Variants in ZNF664 observed in about 807,000 individuals in gnomAD.
The protein encoded by ZNF664 is zinc finger protein 664, also known as zinc finger Organ of Corti 1.
In ZNF664, 10 loss-of-function variants were observed where a neutral mutation model predicts 18.2. The ratio of observed to expected loss-of-function variants is 0.55; its 90% CI spans 0.34 to 0.93. ZNF664 has a LOEUF of 0.93. Among genes scored for constraint, ZNF664 ranks in the 40% least tolerant of loss-of-function variants. The pLI is 0.02. For synonymous variants in ZNF664, 119 were observed against 104.2 expected, an observed-to-expected ratio of 1.14 and a Z score of -0.86; for missense variants, 193 against 319.0, an observed-to-expected ratio of 0.61 and a Z score of 3.01.
chr12:124,012,079 C>G lies in ZNF664; in HGVS notation c.-66C>G. 2 of 1,525,980 alleles carry G rather than the reference C, an allele frequency of 1.3e-6. No homozygotes were observed. Among genetic ancestry groups the G allele is most frequent in the Non-Finnish European group, 1.7e-6 (2 of 1,145,614 alleles). The allele number at this position is 1,525,980 out of a possible 1,614,324, so 94.5% of individuals were successfully genotyped here. On this transcript the variant is annotated 5_prime_UTR_variant, in exon 5 of 5. Transcript: ENST00000337815. ...CCAAATAAGAGACTCTATGAAATAA[C>G]AGTCTTGTAACTGTAGTAATCATAA...
intron 3 of ZNF664, among the ~76,000 whole-genome samples, chr12:124,010,629 A>G (rs1332803022): frequency 2.0e-5 from 3 of 152,186 alleles, no homozygotes; most frequent in Non-Finnish European, 4.4e-5. Flanking sequence ...TTTTCAGAAA[A>G]TATTCATTGA....
rs912928290 is a variant in ZNF664 at position 124,013,343 on chromosome 12, A to G, written c.*413A>G. 10 of 198,482 alleles carry G rather than the reference A, an allele frequency of 5.0e-5. No individual in the cohort carries two copies. Among genetic ancestry groups the G allele is most frequent in the Non-Finnish European group, 9.2e-5 (8 of 87,144 alleles). The allele number at this position is 198,482 out of a possible 1,614,324, so 12.3% of individuals were successfully genotyped here. On this transcript the variant is annotated 3_prime_UTR_variant, in exon 5 of 5. Transcript: ENST00000337815. Reference sequence around the variant, plus strand: ...TTCCTCTTTATTCGAGCATACTGGCAATGCATTGGAAAACAGACAGCTCCC... The same window carrying G: ...TTCCTCTTTATTCGAGCATACTGGCGATGCATTGGAAAACAGACAGCTCCC...
At chr12:123,974,887 T>A (rs1268680408) in intron 2 of ZNF664, among the ~76,000 whole-genome samples, 1 of 152,244 alleles carries the variant, frequency 6.6e-6, no homozygotes, top group Non-Finnish European at 1.5e-5. Flanking sequence ...AACAGCTTTT[T>A]TGCTGGTGGT....
At chr12:123,994,481 G>A (rs1298196739) in intron 3 of ZNF664, among the ~76,000 whole-genome samples, 4 of 152,182 alleles carry the variant, frequency 2.6e-5, no homozygotes, top group Non-Finnish European at 4.4e-5. Context: ...TTAGTAGGAA[G>A]AGTGGCAATA....
At chr12:123,996,808 C>T (rs1047118931) in intron 3 of ZNF664, among the ~76,000 whole-genome samples, 1 of 152,174 alleles carries the variant, frequency 6.6e-6, no homozygotes, top group Admixed American at 6.5e-5. Flanking sequence ...CAGGACAAAG[C>T]CCACTTGTGT....
rs934680505 is a variant in ZNF664 at position 124,011,584 on chromosome 12, A to C, written c.-561A>C. On this transcript the variant is annotated 5_prime_UTR_variant, in exon 5 of 5. Transcript: ENST00000337815. ...ACCCATGTAGGGAATTCCCCAAAGC[A>C]GGGCTTGCCATACCTGGACCCCGAG... 5.2e-5 allele frequency: 51 copies of C among 988,632 alleles called. No individual in the cohort carries two copies. The highest frequency in any genetic ancestry group is 5.9e-5 in the Non-Finnish European group (49 of 832,580). The allele number at this position is 988,632 out of a possible 1,614,324, so 61.2% of individuals were successfully genotyped here.
intron 3 of ZNF664, among the ~76,000 whole-genome samples, chr12:124,007,644 A>G (rs1185566788): frequency 6.6e-6 from 1 of 152,052 alleles, no homozygotes; most frequent in East Asian, 1.9e-4. Flanking sequence ...TGGTCCTGGG[A>G]TTAGTTTGCC....
intron 1 of ZNF664, chr12:123,973,612 CG>C (rs1264077530): frequency 1.6e-5 from 7 of 426,954 alleles, no homozygotes; most frequent in Non-Finnish European, 1.9e-5. Context: ...GGAGCGGGGC[CG>C]GGGGGCGCAG....
chr12:124,011,609 G>A lies in ZNF664; in HGVS notation c.-536G>A, dbSNP rs1043566453. 2 of 1,005,136 alleles carry A rather than the reference G, an allele frequency of 2.0e-6. No individual in the cohort carries two copies. Among genetic ancestry groups the A allele is most frequent in the African/African-American group, 3.5e-5 (2 of 57,536 alleles). The allele number at this position is 1,005,136 out of a possible 1,614,324, so 62.3% of individuals were successfully genotyped here. ...AGGGCTTGCCATACCTGGACCCCGA[G>A]GAGCCTGCTTGCTGGAAAGGCTTTC... On this transcript the variant is annotated 5_prime_UTR_variant, in exon 5 of 5. Coordinates refer to ENST00000337815, the MANE Select transcript of ZNF664 (RefSeq NM_152437.3).
At chr12:124,009,322 C>T (rs1363737999) in intron 3 of ZNF664, among the ~76,000 whole-genome samples, 1 of 152,054 alleles carries the variant, frequency 6.6e-6, no homozygotes, top group Non-Finnish European at 1.5e-5. Context: ...GGTTTATTCT[C>T]TTTATTTTGT....
At position 124,012,169 on chromosome 12, in the gene ZNF664, A is replaced by G; in HGVS notation, c.25A>G (p.Arg9Gly). 6.2e-7 allele frequency: 1 copy of G among 1,611,866 alleles called. No homozygotes were observed. The highest frequency in any genetic ancestry group is 1.1e-5 in the South Asian group (1 of 90,282). Residue 9 changes from arginine to glycine, a missense_variant, in exon 5 of 5, where the codon AGG becomes GGG. By Grantham distance (125) the Arg-to-Gly change is moderately radical (BLOSUM62 -2). Around this residue, in one of 3 missense-constraint regions of ZNF664, gnomAD observed 90 missense variants for 118.9 expected, o/e 0.76. Transcript: ENST00000337815. ...AATGATCTACAAGTGCCCCATGTGT[A>G]GGGAATTTTTCTCTGAGAGAGCAGA... MIYKCPMCREFFSERADLF... is the reference protein window; with the variant it reads MIYKCPMCGEFFSERADLF...
intron 2 of ZNF664, among the ~76,000 whole-genome samples, chr12:123,977,192 G>A (rs1956703495): frequency 6.6e-6 from 1 of 152,120 alleles, no homozygotes; most frequent in Non-Finnish European, 1.5e-5. Flanking sequence ...TGTTAAACTA[G>A]TTGTCTATAC....
At chr12:123,987,884 T>C in intron 2 of ZNF664, 159 bp from the exon 3 acceptor site, 1 of 894,660 alleles carries the variant, frequency 1.1e-6, no homozygotes, top group African/African-American at 1.8e-5. Context: ...CTCCATGCCT[T>C]GAATCCCATA....
chr12:124,002,581 A>C (rs1449124988), intron 3 of ZNF664, among the ~76,000 whole-genome samples: 1 of 152,064 alleles, frequency 6.6e-6, no homozygotes. Context: ...CCATGGAGAG[A>C]TGCAAGGGCA....
Position 124,010,421 on chromosome 12 carries a change from A to T in ZNF664, c.-660-960A>T, listed in dbSNP as rs555788122. 2.3e-3 allele frequency among the ~76,000 whole-genome samples: 356 copies of T among 152,334 alleles called. 1 individual carries two copies. The highest frequency in any genetic ancestry group is 3.3e-3 in the Non-Finnish European group (227 of 68,028). On this transcript the variant is annotated intron_variant, in intron 3 of 4. Coordinates refer to ENST00000337815, the MANE Select transcript of ZNF664 (RefSeq NM_152437.3). ...TTGCTAAAACATAGTCCTAAACCTT[A>T]AAAGATTTCAGAGTGAATATTTTGA...
chr12:124,012,329 A>T lies in ZNF664; in HGVS notation c.185A>T (p.Asp62Val), dbSNP rs1471161708. 1.9e-6 allele frequency: 3 copies of T among 1,614,272 alleles called. No homozygotes were observed. Among genetic ancestry groups the T allele is most frequent in the Non-Finnish European group, 2.5e-6 (3 of 1,180,048 alleles). The part of the protein sequence containing the change: ...DHTGEKVYKC[D>V]DCGKDFSTTT... ...ACAGGAGAGAAGGTCTATAAATGTG[A>T]TGATTGTGGTAAGGATTTTAGCACT... is the stretch of plus-strand genomic sequence containing the variant. The change falls in exon 5 of 5, where the codon GAT becomes GTT. Residue 62 changes from aspartate (D) to valine (V), a missense_variant. Asp to Val is a radical substitution (Grantham distance 152). Around this residue, in one of 3 missense-constraint regions of ZNF664, gnomAD observed 90 missense variants for 118.9 expected, o/e 0.76. Coordinates refer to ENST00000337815, the MANE Select transcript of ZNF664 (RefSeq NM_152437.3).
At chr12:123,986,371 C>T (rs570512996) in intron 2 of ZNF664, among the ~76,000 whole-genome samples, 5 of 152,308 alleles carry the variant, frequency 3.3e-5, no homozygotes, top group African/African-American at 9.6e-5. Context: ...AGGTCTCTCA[C>T]GGCATCACTC....
chr12:123,990,970 C>T (rs1178513885), intron 3 of ZNF664, among the ~76,000 whole-genome samples: 1 of 152,214 alleles, frequency 6.6e-6, no homozygotes, highest in East Asian at 1.9e-4. Context: ...CCATGACTCA[C>T]AGTGGAACTT....
intron 3 of ZNF664, among the ~76,000 whole-genome samples, chr12:124,010,437 A>G (rs1438545755): frequency 6.6e-6 from 1 of 152,160 alleles, no homozygotes; most frequent in Non-Finnish European, 1.5e-5. Context: ...TTTCAGAGTG[A>G]ATATTTTGAG....
Sources: gnomAD v4.1 joint callset for allele counts (sites outside exome capture counted in the v4.1 genomes callset) on GRCh38, gnomAD v4.1.1 for gene constraint, gnomAD v4.1.1 regional missense constraint, MANE v1.5 for transcripts, NCBI Gene and HGNC (gene_info 2026-07-23, HGNC 2026-07-21) for gene names.